The following SERINC5 variants were observed in gnomAD, a reference collection of about 807,000 sequenced individuals.
SERINC5 encodes serine incorporator 5.
Under a neutral mutation model 63.1 loss-of-function variants are expected in SERINC5, and 41 were observed. That is an observed-to-expected ratio of 0.65 (90% CI 0.51 to 0.84). The LOEUF is 0.84. SERINC5 is among the 40% of genes least tolerant of loss of function. The pLI is 0.00. For synonymous variants in SERINC5, 222 were observed against 215.2 expected, an observed-to-expected ratio of 1.03 and a Z score of -0.28; for missense variants, 523 against 573.0, an observed-to-expected ratio of 0.91 and a Z score of 0.89.
chr5:80,206,221 G>C (rs1750156680), intron 1 of SERINC5, among the ~76,000 whole-genome samples: 1 of 152,228 alleles, frequency 6.6e-6, no homozygotes, highest in South Asian at 2.1e-4. Flanking sequence ...ATAATGATTT[G>C]GAAGGAAGTT....
At chr5:80,198,485 C>T in intron 2 of SERINC5, 11 of 981,310 alleles carry the variant, frequency 1.1e-5, no homozygotes, top group Non-Finnish European at 1.3e-5. Flanking sequence ...CCCTTGCGCT[C>T]CTAACCCACA....
chr5:80,134,169 G>T (rs1439991201), downstream of SERINC5, among the ~76,000 whole-genome samples: 2 of 152,106 alleles, frequency 1.3e-5, no homozygotes, highest in Non-Finnish European at 2.9e-5. Flanking sequence ...TCAGGGAAAG[G>T]GCTGGTACCA....
At chr5:80,195,176 C>T (rs1416343130) in intron 2 of SERINC5, among the ~76,000 whole-genome samples, 3 of 151,736 alleles carry the variant, frequency 2.0e-5, no homozygotes, top group Admixed American at 6.6e-5. Flanking sequence ...ATCCCAGCTA[C>T]TCGGGAGGCT....
intron 1 of SERINC5, among the ~76,000 whole-genome samples, chr5:80,224,945 G>GTTTTTTTTTTTT (rs368546307): frequency 7.5e-6 from 1 of 132,598 alleles, no homozygotes; most frequent in Non-Finnish European, 1.7e-5. Context: ...GTTTTTTTTT[G>GTTTTTTTTTTTT]TTTTTTTTTT....
intron 8 of SERINC5, chr5:80,157,881 G>A (rs564189434): frequency 2.6e-5 from 4 of 152,278 alleles, no homozygotes; most frequent in East Asian, 3.9e-4. Flanking sequence ...ACTCTAAAAG[G>A]TCTGTGTCCC....
At chr5:80,188,499 G>A (rs946718601) in intron 2 of SERINC5, among the ~76,000 whole-genome samples, 1 of 151,930 alleles carries the variant, frequency 6.6e-6, no homozygotes, top group African/African-American at 2.4e-5. Context: ...GATCTTTCTA[G>A]ACCCTTTGCT....
At chr5:80,247,854 G>A (rs1208408052) in intron 1 of SERINC5, among the ~76,000 whole-genome samples, 1 of 152,026 alleles carries the variant, frequency 6.6e-6, no homozygotes, top group African/African-American at 2.4e-5. Context: ...CTATGAGAAA[G>A]TTTTGTTGTT....
Position 80,174,971 on chromosome 5 carries a change from AT to A in SERINC5, c.533del (p.His178LeufsTer24). 1 of 1,600,584 alleles carries A rather than the reference AT, an allele frequency of 6.2e-7. No homozygotes were observed. Among genetic ancestry groups the A allele is most frequent in the Non-Finnish European group, 8.5e-7 (1 of 1,173,264 alleles). ...GCACACACCAGTTCTTGTTCCACTT[AT>A]GTGCAAACTCCACGAGCAGGAGGAG... ...IQLLLLVEFA[H>X]KWNKNWTAGT... On this transcript the variant is annotated frameshift_variant, in exon 5 of 12. Coordinates refer to ENST00000507668, the MANE Select transcript of SERINC5 (RefSeq NM_001174072.3). LOFTEE classifies it high-confidence loss of function.
In SERINC5 at chr5:80,140,115, A is replaced by G; in HGVS notation, c.*3548T>C. 4.4e-6 allele frequency: 4 copies of G among 909,080 alleles called. No individual in the cohort carries two copies. Among genetic ancestry groups the G allele is most frequent in the Non-Finnish European group, 5.3e-6 (4 of 760,670 alleles). The allele number at this position is 909,080 out of a possible 1,614,324, so 56.3% of individuals were successfully genotyped here. On this transcript the variant is annotated 3_prime_UTR_variant, in exon 12 of 12. Transcript: ENST00000507668. ...GAAGCCAAGGCGGGCACATTGCTTGAGCTCAGGAGTTTGAGACCAGCCTGG... is the reference window on the plus strand; with the variant it reads ...GAAGCCAAGGCGGGCACATTGCTTGGGCTCAGGAGTTTGAGACCAGCCTGG...
In SERINC5 at chr5:80,177,280, A is replaced by G. The variant is rs369829788; in HGVS notation, c.457+35T>C. On this transcript the variant is annotated intron_variant, in intron 4 of 11. Transcript: ENST00000507668. Reference sequence around the variant, plus strand: ...GCAATTTGACAAAATGGGTAAAAACAAAATAAACAGATACCCAAAATACCC... The same window carrying G: ...GCAATTTGACAAAATGGGTAAAAACGAAATAAACAGATACCCAAAATACCC... 4 of 1,497,256 alleles carry G rather than the reference A, an allele frequency of 2.7e-6. No individual in the cohort carries two copies. The African/African-American group carries it at 5.6e-5, about 21-fold the overall frequency. 92.7% of individuals were successfully genotyped at this position (1,497,256 alleles called of 1,614,324 possible).
chr5:80,184,450 C>T (rs1258334642), intron 2 of SERINC5, among the ~76,000 whole-genome samples: 1 of 152,144 alleles, frequency 6.6e-6, no homozygotes, highest in Non-Finnish European at 1.5e-5. Flanking sequence ...CCAACAAATC[C>T]CCTCCCTTGT....
At chr5:80,205,072 A>G (rs1750084404) in intron 1 of SERINC5, among the ~76,000 whole-genome samples, 1 of 152,206 alleles carries the variant, frequency 6.6e-6, no homozygotes, top group African/African-American at 2.4e-5. Flanking sequence ...GAGGAGCTGC[A>G]CTTTGTGTTT....
At chr5:80,218,829 C>T (rs1750781851) in intron 1 of SERINC5, among the ~76,000 whole-genome samples, 1 of 152,110 alleles carries the variant, frequency 6.6e-6, no homozygotes, top group Admixed American at 6.6e-5. Context: ...GCTCTCCCCA[C>T]AAACCACATC....
chr5:80,201,687 G>A (rs982102737), intron 2 of SERINC5, among the ~76,000 whole-genome samples: 11 of 152,080 alleles, frequency 7.2e-5, no homozygotes, highest in African/African-American at 2.7e-4. Flanking sequence ...TACTATGGGG[G>A]AAAAAAGGAA....
intron 4 of SERINC5, among the ~76,000 whole-genome samples, chr5:80,175,385 C>G (rs1045999423): frequency 6.6e-6 from 1 of 152,174 alleles, no homozygotes; most frequent in Non-Finnish European, 1.5e-5. Flanking sequence ...TGACCCACAA[C>G]TTAAAAGCAA....
Position 80,142,007 on chromosome 5 carries a change from T to C in SERINC5, c.*1656A>G. 6 of 985,402 alleles carry C rather than the reference T, an allele frequency of 6.1e-6. No individual in the cohort carries two copies. Among genetic ancestry groups the C allele is most frequent in the Non-Finnish European group, 7.2e-6 (6 of 829,920 alleles). 61.0% of individuals were successfully genotyped at this position (985,402 alleles called of 1,614,324 possible). A position where few individuals can be genotyped will look rare whatever the true frequency, so the allele number is the denominator to read the frequency against. On this transcript the variant is annotated 3_prime_UTR_variant, in exon 12 of 12. Coordinates refer to ENST00000507668, the MANE Select transcript of SERINC5 (RefSeq NM_001174072.3). ...TCACTAATTTCACCCACCAGCATTT[T>C]GGCACACAGAAGCCCAGCTTAGGTG...
At chr5:80,235,538 T>C (rs1245051555) in intron 1 of SERINC5, among the ~76,000 whole-genome samples, 3 of 152,220 alleles carry the variant, frequency 2.0e-5, no homozygotes, top group African/African-American at 7.2e-5. Flanking sequence ...TTCTTTCACC[T>C]TTCTTTTTAA....
intron 1 of SERINC5, among the ~76,000 whole-genome samples, chr5:80,236,987 G>C (rs1279262436): frequency 6.6e-6 from 1 of 151,640 alleles, no homozygotes; most frequent in Non-Finnish European, 1.5e-5. Context: ...CATCATGCCG[G>C]GCTAACTTTT....
In SERINC5 at chr5:80,148,189, C is replaced by CTTTTTT. The variant is rs796769914; in HGVS notation, c.1054-911_1054-906dup. Among the ~76,000 whole-genome samples, 462 of 102,286 alleles carry CTTTTTT rather than the reference C, an allele frequency of 4.5e-3. 15 individuals are homozygous for CTTTTTT. The highest frequency in any genetic ancestry group is 0.015 in the African/African-American group (381 of 26,030). 67.1% of individuals were successfully genotyped at this position (102,286 alleles called of 152,430 possible). On this transcript the variant is annotated intron_variant, in intron 9 of 11. Transcript: ENST00000507668. ...TCTGGTACCTTGCGTATTTTTTATT[C>CTTTTTT]TTTTTTTTTTTTTTTTTTGAGATGG... is the stretch of plus-strand genomic sequence containing the variant.
Sources: gnomAD v4.1 joint callset for allele counts (sites outside exome capture counted in the v4.1 genomes callset) on GRCh38, gnomAD v4.1.1 for gene constraint, MANE v1.5 for transcripts, NCBI Gene and HGNC (gene_info 2026-07-23, HGNC 2026-07-21) for gene names.